Variants in LUZP2 observed in about 807,000 individuals in gnomAD.
LUZP2 encodes leucine zipper protein 2.
In LUZP2, 52 loss-of-function variants were observed where a neutral mutation model predicts 51.6. The observed-to-expected ratio is 1.01, with a 90% CI of 0.81 to 1.27. The LOEUF (loss-of-function observed/expected upper bound fraction) is 1.27. Among genes scored for constraint, LUZP2 ranks in the 50% most tolerant of loss-of-function variants. LUZP2 has a pLI of 0.00. For synonymous variants in LUZP2, 154 were observed against 137.3 expected, an observed-to-expected ratio of 1.12 and a Z score of -0.85; for missense variants, 436 against 395.4, an observed-to-expected ratio of 1.10 and a Z score of -0.87.
At chr11:24,876,004 C>G (rs2134279181) in intron 5 of LUZP2, among the ~76,000 whole-genome samples, 1 of 151,946 alleles carries the variant, frequency 6.6e-6, no homozygotes, top group East Asian at 1.9e-4. Flanking sequence ...TGGATATTGG[C>G]CCTTTGTCAG....
At chr11:24,642,235 T>C (rs1369911437) in intron 1 of LUZP2, among the ~76,000 whole-genome samples, 3 of 151,830 alleles carry the variant, frequency 2.0e-5, no homozygotes, top group Non-Finnish European at 4.4e-5. Flanking sequence ...TAAACGTTCA[T>C]CTTTAGCAGA....
intron 1 of LUZP2, among the ~76,000 whole-genome samples, chr11:24,652,711 A>G (rs1219023699): frequency 6.6e-6 from 1 of 152,144 alleles, no homozygotes; most frequent in Non-Finnish European, 1.5e-5. Flanking sequence ...TTTTCATGAA[A>G]AATAATTCAG....
intron 1 of LUZP2, among the ~76,000 whole-genome samples, chr11:24,718,278 T>A (rs1858132243): frequency 6.6e-6 from 1 of 152,206 alleles, no homozygotes; most frequent in African/African-American, 2.4e-5. Flanking sequence ...ACTTAATGCT[T>A]GTTGAAACCC....
At chr11:24,810,914 T>C (rs1306831057) in intron 5 of LUZP2, among the ~76,000 whole-genome samples, 1 of 152,122 alleles carries the variant, frequency 6.6e-6, no homozygotes, top group Non-Finnish European at 1.5e-5. Context: ...AGTAGCAAGA[T>C]TGTAGCTCCT....
chr11:25,043,566 A>ATGTATCCAGGATATATGAGATATG (rs1334575743), intron 9 of LUZP2, among the ~76,000 whole-genome samples: 2 of 151,954 alleles, frequency 1.3e-5, no homozygotes, highest in Admixed American at 1.3e-4. Context: ...GCAAGGATAT[A>ATGTATCCAGGATATATGAGATATG]TGTATCCAGG....
chr11:24,919,643 T>G (rs987007490), intron 7 of LUZP2, among the ~76,000 whole-genome samples: 5 of 148,598 alleles, frequency 3.4e-5, no homozygotes, highest in Non-Finnish European at 7.5e-5. Context: ...CACTTATGTG[T>G]AGGTATGTTT....
intron 7 of LUZP2, among the ~76,000 whole-genome samples, chr11:24,955,896 G>A (rs187505876): frequency 1.0e-3 from 157 of 152,126 alleles, no homozygotes; most frequent in African/African-American, 3.6e-3. Flanking sequence ...GAGGAAATGG[G>A]TTAAAATAAA....
intron 7 of LUZP2, among the ~76,000 whole-genome samples, chr11:24,925,225 T>G (rs1034814614): frequency 5.3e-5 from 8 of 152,188 alleles, no homozygotes; most frequent in Admixed American, 5.2e-4. Flanking sequence ...TAGTGGTAAA[T>G]GCTGGACAGC....
intron 9 of LUZP2, among the ~76,000 whole-genome samples, chr11:25,004,577 A>G (rs571790744): frequency 6.6e-6 from 1 of 152,246 alleles, no homozygotes; most frequent in African/African-American, 2.4e-5. Flanking sequence ...TTTAGAATCA[A>G]TTGACCCTCG....
At chr11:24,602,385 T>TACACAC (rs1444866024) in intron 1 of LUZP2, among the ~76,000 whole-genome samples, 4,817 of 86,384 alleles carry the variant, frequency 0.056, 97 homozygotes, top group Middle Eastern at 0.075. Context: ...TATATATATA[T>TACACAC]ATACACACAC....
intron 3 of LUZP2, among the ~76,000 whole-genome samples, chr11:24,733,492 C>T (rs1009872046): frequency 1.3e-5 from 2 of 151,446 alleles, no homozygotes; most frequent in East Asian, 1.9e-4. Flanking sequence ...ACCTGGAGGA[C>T]GTTATGTTAA....
At chr11:24,582,391 A>G (rs768001468) in intron 1 of LUZP2, among the ~76,000 whole-genome samples, 4 of 147,134 alleles carry the variant, frequency 2.7e-5, no homozygotes, top group Non-Finnish European at 5.9e-5. Context: ...AAATAGAGAG[A>G]TGAATAGAAA....
rs1859410450 is a variant in LUZP2, at chr11:25,079,482, A to G, written c.*824A>G. 1 of 152,146 alleles carries G rather than the reference A, an allele frequency of 6.6e-6. No homozygotes were observed. The highest frequency in any genetic ancestry group is 1.5e-5 in the Non-Finnish European group (1 of 67,984). The allele number at this position is 152,146 out of a possible 1,614,324, so 9.4% of individuals were successfully genotyped here. On this transcript the variant is annotated 3_prime_UTR_variant, in exon 12 of 12. Coordinates refer to ENST00000336930, the MANE Select transcript of LUZP2 (RefSeq NM_001009909.4). ...ATACAAATATGAAAGCAGGTAATAT[A>G]TATCACAAAACAGGGGTCTGATGAA...
chr11:24,619,055 G>A (rs1854401136), intron 1 of LUZP2, among the ~76,000 whole-genome samples: 1 of 150,288 alleles, frequency 6.7e-6, no homozygotes, highest in South Asian at 2.1e-4. Context: ...TTTGAGATAG[G>A]TCTTGCTTTT....
chr11:24,661,696 C>T (rs1390544966), intron 1 of LUZP2, among the ~76,000 whole-genome samples: 1 of 152,070 alleles, frequency 6.6e-6, no homozygotes, highest in African/African-American at 2.4e-5. Context: ...GTTCAGATTT[C>T]CCTATGATTT....
intron 2 of LUZP2, among the ~76,000 whole-genome samples, chr11:24,729,548 C>A (rs1030596358): frequency 1.3e-5 from 2 of 151,766 alleles, no homozygotes; most frequent in Admixed American, 1.3e-4. Flanking sequence ...CAGTTTGACC[C>A]CTGTGTTTTT....
chr11:24,508,737 T>C (rs1011835612), intron 1 of LUZP2, among the ~76,000 whole-genome samples: 1 of 152,314 alleles, frequency 6.6e-6, no homozygotes, highest in Admixed American at 6.5e-5. Flanking sequence ...TACTGCTTGT[T>C]TTCTATGTGT....
chr11:24,604,773 T>C (rs947088487), intron 1 of LUZP2, among the ~76,000 whole-genome samples: 3 of 151,866 alleles, frequency 2.0e-5, no homozygotes, highest in Non-Finnish European at 4.4e-5. Context: ...ATGAGAATCT[T>C]CACTTGTTTG....
chr11:24,671,050 A>G (rs1187411541), intron 1 of LUZP2, among the ~76,000 whole-genome samples: 1 of 151,834 alleles, frequency 6.6e-6, no homozygotes, highest in Non-Finnish European at 1.5e-5. Flanking sequence ...CATTAGAACA[A>G]TTTTTTGAAT....
Sources: allele counts gnomAD v4.1 joint callset (sites outside exome capture counted in the v4.1 genomes callset), GRCh38; gene constraint gnomAD v4.1.1; transcripts MANE v1.5; gene names NCBI Gene and HGNC (gene_info 2026-07-23, HGNC 2026-07-21).